The following PRKG1 variants were observed in gnomAD, a reference collection of about 807,000 sequenced individuals.
PRKG1 encodes the protein protein kinase cGMP-dependent 1, also known as cGMP-dependent protein kinase 1.
Under a neutral mutation model 88.1 loss-of-function variants are expected in PRKG1, and 35 were observed. That is an observed-to-expected ratio of 0.40 (90% CI 0.30 to 0.53). The LOEUF is 0.53. Among genes scored for constraint, PRKG1 ranks in the 20% least tolerant of loss-of-function variants. The pLI, the probability that PRKG1 is intolerant of heterozygous loss-of-function variation, is 0.59. For synonymous variants in PRKG1, 303 were observed against 292.5 expected (o/e 1.04, Z -0.37); for missense variants, 540 against 839.8 (o/e 0.64, Z 4.41).
chr10:51,508,457 A>T (rs922513456), intron 3 of PRKG1, among the ~76,000 whole-genome samples: 2 of 152,186 alleles, frequency 1.3e-5, no homozygotes, highest in Non-Finnish European at 2.9e-5. Flanking sequence ...TATGTGCAGC[A>T]TTCTATTAAT....
intron 2 of PRKG1, chr10:51,306,570 A>G (rs989863700): frequency 6.6e-6 from 1 of 152,086 alleles, no homozygotes; most frequent in African/African-American, 2.4e-5. Context: ...CTCTCTCAGG[A>G]GTATATGTTC....
At chr10:52,084,511 T>C (rs1257428754) in intron 7 of PRKG1, among the ~76,000 whole-genome samples, 1 of 152,042 alleles carries the variant, frequency 6.6e-6, no homozygotes, top group East Asian at 1.9e-4. Context: ...ATTTCACCGG[T>C]TACTGACATT....
intron 5 of PRKG1, among the ~76,000 whole-genome samples, chr10:52,034,672 A>T (rs10823990): frequency 0.84 from 125,821 of 150,500 alleles, 52,746 homozygotes; most frequent in Non-Finnish European, 0.88. Flanking sequence ...CTGTGATGGC[A>T]TGGAAAAACA....
rs145450106 is a variant in PRKG1, at chr10:50,995,058, A to G, written c.266+3414A>G. ...TCGGAGGTCCTGGAACCAATCGCCC[A>G]TGGATACTGAAGGATGACTCTGTAG... On this transcript the variant is annotated intron_variant, in intron 1 of 17. Coordinates refer to the PRKG1 transcript ENST00000401604. Among the ~76,000 whole-genome samples, 146 of 152,276 alleles carry G rather than the reference A, an allele frequency of 9.6e-4. 5 individuals are homozygous for G. In the East Asian group the frequency reaches 0.025, roughly 26 times the overall value.
chr10:51,242,127 T>C (rs1016588948), intron 2 of PRKG1, among the ~76,000 whole-genome samples: 20 of 152,210 alleles, frequency 1.3e-4, no homozygotes, highest in African/African-American at 4.3e-4. Context: ...TATATATAAA[T>C]GACTGGGTGA....
intron 2 of PRKG1, among the ~76,000 whole-genome samples, chr10:51,208,233 T>C (rs1298721194): frequency 6.6e-6 from 1 of 152,204 alleles, no homozygotes; most frequent in African/African-American, 2.4e-5. Context: ...GGAGTTTTTA[T>C]ATGTGTAGAT....
intron 5 of PRKG1, among the ~76,000 whole-genome samples, chr10:51,927,259 C>T (rs549451792): frequency 1.9e-4 from 29 of 152,234 alleles, no homozygotes; most frequent in African/African-American, 6.0e-4. Context: ...CTGTGTCTCA[C>T]GAGATCTGAT....
chr10:52,014,513 G>A (rs1406437485), intron 5 of PRKG1, among the ~76,000 whole-genome samples: 1 of 152,160 alleles, frequency 6.6e-6, no homozygotes, highest in African/African-American at 2.4e-5. Context: ...GGGACACAGA[G>A]CCAAACCATA....
chr10:51,179,437 T>C (rs1044901918), intron 2 of PRKG1, among the ~76,000 whole-genome samples: 5 of 152,262 alleles, frequency 3.3e-5, no homozygotes, highest in Non-Finnish European at 5.9e-5. Flanking sequence ...TTATCGGCTT[T>C]ATCCGTACAT....
chr10:51,586,877 G>A (rs980911862), intron 3 of PRKG1, among the ~76,000 whole-genome samples: 4 of 152,086 alleles, frequency 2.6e-5, no homozygotes, highest in Non-Finnish European at 5.9e-5. Context: ...ATGAGGAAAA[G>A]GATGTACATG....
At chr10:51,758,011 G>A (rs1461098948) in intron 3 of PRKG1, among the ~76,000 whole-genome samples, 1 of 152,012 alleles carries the variant, frequency 6.6e-6, no homozygotes, top group Non-Finnish European at 1.5e-5. Context: ...TGTAAGTTTT[G>A]TAGATACTAC....
intron 4 of PRKG1, among the ~76,000 whole-genome samples, chr10:51,899,643 G>C (rs185672386): frequency 1.6e-5 from 2 of 124,350 alleles, no homozygotes; most frequent in Non-Finnish European, 3.5e-5. Context: ...GGGCGACAGC[G>C]TGAGAGTCTG....
intron 2 of PRKG1, among the ~76,000 whole-genome samples, chr10:51,406,322 C>A (rs1280404264): frequency 2.0e-5 from 3 of 152,170 alleles, no homozygotes; most frequent in Non-Finnish European, 4.4e-5. Flanking sequence ...ATGAGTAGAT[C>A]CGCTAAGATT....
chr10:51,379,916 T>C (rs1837030569), intron 2 of PRKG1, among the ~76,000 whole-genome samples: 1 of 152,208 alleles, frequency 6.6e-6, no homozygotes, highest in Non-Finnish European at 1.5e-5. Flanking sequence ...AGTGAGACCA[T>C]ACTGGGCTAA....
chr10:51,946,995 G>C (rs1450481580), intron 5 of PRKG1, among the ~76,000 whole-genome samples: 5 of 152,070 alleles, frequency 3.3e-5, no homozygotes, highest in Non-Finnish European at 7.3e-5. Flanking sequence ...CTTCAAAGCT[G>C]TCAGACAGGG....
At chr10:51,221,876 C>CG (rs369405503) in intron 2 of PRKG1, among the ~76,000 whole-genome samples, 4 of 127,182 alleles carry the variant, frequency 3.1e-5, no homozygotes, top group Non-Finnish European at 4.8e-5. Flanking sequence ...TCTTTTCTTT[C>CG]TTTTTTTTTT....
chr10:51,579,820 AC>A (rs1377869506), intron 3 of PRKG1, among the ~76,000 whole-genome samples: 1 of 152,126 alleles, frequency 6.6e-6, no homozygotes, highest in Non-Finnish European at 1.5e-5. Flanking sequence ...CCTCACAATC[AC>A]TTTTTATGTG....
At chr10:51,392,912 CCA>C (rs1361697251) in intron 2 of PRKG1, among the ~76,000 whole-genome samples, 245 of 60,610 alleles carry the variant, frequency 4.0e-3, no homozygotes, top group South Asian at 9.4e-3. Context: ...GGGGGGCTGA[CCA>C]CCCCCACCTC....
chr10:51,391,772 T>C (rs1837410639), intron 2 of PRKG1, among the ~76,000 whole-genome samples: 1 of 152,244 alleles, frequency 6.6e-6, no homozygotes, highest in Non-Finnish European at 1.5e-5. Flanking sequence ...TGTTCTCTTG[T>C]TGACATGAGC....
Sources: gnomAD v4.1 joint callset for allele counts (sites outside exome capture counted in the v4.1 genomes callset) on GRCh38, gnomAD v4.1.1 for gene constraint, MANE v1.5 for transcripts, NCBI Gene and HGNC (gene_info 2026-07-23, HGNC 2026-07-21) for gene names.